Variants in SLC24A2 observed in about 807,000 individuals in gnomAD.
SLC24A2 encodes sodium/potassium/calcium exchanger 2.
Under a neutral mutation model 62.0 loss-of-function variants are expected in SLC24A2, and 36 were observed. The ratio of observed to expected loss-of-function variants is 0.58; its 90% confidence interval spans 0.44 to 0.77. The LOEUF is 0.77. Ranked by LOEUF, SLC24A2 falls within the 30% of genes least tolerant of loss-of-function variation. The pLI is 0.00. For missense variants in SLC24A2, 846 were observed against 817.9 expected (o/e 1.03, Z -0.42); for synonymous variants, 358 against 294.0 (o/e 1.22, Z -2.23).
At chr9:19,793,457 G>A (rs370635631), upstream of SLC24A2, among the ~76,000 whole-genome samples, 1 of 152,240 alleles carries the variant, frequency 6.6e-6, no homozygotes, top group East Asian at 1.9e-4. Context: ...AAGGGAGCAA[G>A]AAAGTGCAGT....
At chr9:20,043,573 C>G in the SLC24A2 span, among the ~76,000 whole-genome samples, 1 of 152,166 alleles carries the variant, frequency 6.6e-6, no homozygotes, top group African/African-American at 2.4e-5. Flanking sequence ...GAAGCTGATT[C>G]CAGCCCTCAT....
the SLC24A2 span, among the ~76,000 whole-genome samples, chr9:20,148,029 T>A: frequency 6.6e-6 from 1 of 152,060 alleles, no homozygotes; most frequent in East Asian, 1.9e-4. Context: ...GAATCTCCTG[T>A]GTTCTAGAGT....
intron 2 of SLC24A2, among the ~76,000 whole-genome samples, chr9:19,722,654 T>C (rs1821060514): frequency 7.7e-5 from 3 of 39,102 alleles, no homozygotes; most frequent in Non-Finnish European, 4.3e-5. Context: ...AGAAATAGGA[T>C]ATTAAAAAAA....
At chr9:19,901,881 G>A in the SLC24A2 span, among the ~76,000 whole-genome samples, 1 of 152,144 alleles carries the variant, frequency 6.6e-6, no homozygotes, top group Admixed American at 6.5e-5. Context: ...GGTGGTGTTG[G>A]TCAGTTAGTC....
At chr9:19,527,324 T>G (rs955541749) in intron 9 of SLC24A2, among the ~76,000 whole-genome samples, 4 of 152,184 alleles carry the variant, frequency 2.6e-5, no homozygotes, top group African/African-American at 9.6e-5. Context: ...CTTACCAACT[T>G]TAAGCTTAAC....
the SLC24A2 span, among the ~76,000 whole-genome samples, chr9:20,306,913 G>A: frequency 6.6e-6 from 1 of 151,952 alleles, no homozygotes; most frequent in Admixed American, 6.6e-5. Context: ...GGCTAGGCTG[G>A]TCTCAAACTC....
chr9:19,756,085 CTA>C (rs1822133243), intron 2 of SLC24A2, among the ~76,000 whole-genome samples: 1 of 152,098 alleles, frequency 6.6e-6, no homozygotes, highest in Non-Finnish European at 1.5e-5. Flanking sequence ...AAGTTACCTG[CTA>C]CCTGCTAACT....
chr9:19,856,947 C>A, the SLC24A2 span, among the ~76,000 whole-genome samples: 53 of 152,218 alleles, frequency 3.5e-4, no homozygotes, highest in Non-Finnish European at 5.6e-4. Flanking sequence ...ACAGAGACCA[C>A]CACCGCCATG....
At chr9:20,231,830 C>T in the SLC24A2 span, among the ~76,000 whole-genome samples, 17 of 152,272 alleles carry the variant, frequency 1.1e-4, no homozygotes, top group African/African-American at 3.4e-4. Context: ...ATAGGTAATG[C>T]TTCCAGTTTT....
chr9:19,926,134 C>G, the SLC24A2 span: 3 of 152,250 alleles, frequency 2.0e-5, no homozygotes, highest in Non-Finnish European at 4.4e-5. Context: ...CACGATTCCC[C>G]TTAGTAGTCT....
the SLC24A2 span, among the ~76,000 whole-genome samples, chr9:19,873,407 TCTTTCTTTCTTTCTCTTTCTCTCTCTC>T: frequency 2.0e-5 from 3 of 150,060 alleles, no homozygotes; most frequent in Non-Finnish European, 4.5e-5. Context: ...TCCTTCCTTC[TCTTTCTTTCTTTCTCTTTCTCTCTCTC>T]CTTCCTTTCT....
At chr9:20,108,064 A>C in the SLC24A2 span, among the ~76,000 whole-genome samples, 1 of 152,242 alleles carries the variant, frequency 6.6e-6, no homozygotes, top group East Asian at 1.9e-4. Context: ...TTCACAAAAG[A>C]AGACATTTAT....
At chr9:20,286,579 A>AG in the SLC24A2 span, among the ~76,000 whole-genome samples, 4 of 152,180 alleles carry the variant, frequency 2.6e-5, no homozygotes, top group African/African-American at 7.2e-5. Flanking sequence ...TTATGCTGCA[A>AG]GGGGGGGCTG....
At chr9:20,233,593 A>C in the SLC24A2 span, among the ~76,000 whole-genome samples, 2 of 152,168 alleles carry the variant, frequency 1.3e-5, no homozygotes, top group African/African-American at 4.8e-5. Flanking sequence ...ATCTTCCTCC[A>C]TCCCTGCATT....
the SLC24A2 span, among the ~76,000 whole-genome samples, chr9:19,892,314 TG>T: frequency 5.9e-5 from 9 of 152,214 alleles, no homozygotes; most frequent in Non-Finnish European, 1.3e-4. Context: ...CATCCTATTT[TG>T]TTATTTTTCT....
chr9:19,823,838 A>T, the SLC24A2 span, among the ~76,000 whole-genome samples: 1 of 152,178 alleles, frequency 6.6e-6, no homozygotes, highest in Non-Finnish European at 1.5e-5. Flanking sequence ...AGACCAATGG[A>T]ACAGAACAGA....
At chr9:20,193,821 G>T in the SLC24A2 span, among the ~76,000 whole-genome samples, 1 of 152,042 alleles carries the variant, frequency 6.6e-6, no homozygotes, top group Non-Finnish European at 1.5e-5. Flanking sequence ...TCCCAAGAGG[G>T]TTTTTGTTTT....
chr9:19,859,410 T>C, the SLC24A2 span, among the ~76,000 whole-genome samples: 2 of 152,090 alleles, frequency 1.3e-5, no homozygotes, highest in African/African-American at 4.8e-5. Flanking sequence ...GCTTATTACC[T>C]GGGGGACAAA....
chr9:20,070,850 T>C, the SLC24A2 span, among the ~76,000 whole-genome samples: 2 of 152,186 alleles, frequency 1.3e-5, no homozygotes, highest in Non-Finnish European at 2.9e-5. Flanking sequence ...ATATTTGTCA[T>C]GGCCAGTGAT....
Sources: gnomAD v4.1 joint callset for allele counts (sites outside exome capture counted in the v4.1 genomes callset) on GRCh38, gnomAD v4.1.1 for gene constraint, MANE v1.5 for transcripts, NCBI Gene and HGNC (gene_info 2026-07-23, HGNC 2026-07-21) for gene names.